The following CYB5RL variants were observed in gnomAD, a reference collection of about 807,000 sequenced individuals.
CYB5RL encodes the protein NADH-cytochrome b5 reductase-like.
In CYB5RL, 38 loss-of-function variants were observed where a neutral mutation model predicts 37.5. That is an observed-to-expected ratio of 1.01 (90% CI 0.78 to 1.33). The LOEUF (loss-of-function observed/expected upper bound fraction) is 1.33, where lower values mean the gene tolerates loss of function less well. Among genes scored for constraint, CYB5RL ranks in the 40% most tolerant of loss-of-function variants. The probability of loss-of-function intolerance (pLI) is 0.00; values close to 1 mark genes in which losing one functional copy is unlikely to be tolerated. For missense variants in CYB5RL, 388 were observed against 394.4 expected, an observed-to-expected ratio of 0.98 and a Z score of 0.14; for synonymous variants, 141 against 151.9, an observed-to-expected ratio of 0.93 and a Z score of 0.53.
rs1659900310 is a variant in CYB5RL, at chr1:54,171,845, CA to C, written c.*2773del. On this transcript the variant is annotated 3_prime_UTR_variant, in exon 8 of 8. Transcript: ENST00000534324. ...CCACACTCTTCTTCTTGGGCTTGCT[CA>C]GCACCTTGTGGGGCACAGCACCCGA... is the stretch of plus-strand genomic sequence containing the variant. The C allele has an allele frequency of 4.4e-6, 1 of 226,854 alleles. No individual in the cohort carries two copies. The highest frequency in any genetic ancestry group is 7.3e-5 in the South Asian group (1 of 13,696). The allele number at this position is 226,854 out of a possible 1,614,324, so 14.1% of individuals were successfully genotyped here.
rs75367148 is a variant in CYB5RL at position 54,179,375 on chromosome 1, A to G, written c.541-23T>C. 0.023 allele frequency: 37,406 copies of G among 1,604,182 alleles called. 2,792 individuals are homozygous for G. In the East Asian group the frequency reaches 0.29, roughly 13 times the overall value. ...ATACTGGGGAACAGAAGGGGTATGT[A>G]TGACAGGTGGGTTGGGAGAGTCTCA... On this transcript the variant is annotated intron_variant, in intron 6 of 7. Coordinates refer to ENST00000534324, the MANE Select transcript of CYB5RL (RefSeq NM_001031672.4).
chr1:54,183,996 T>TAAAG, intron 6 of CYB5RL, 165 bp downstream of exon 6: 1 of 425,652 alleles, frequency 2.3e-6, no homozygotes, highest in Admixed American at 4.2e-5. Context: ...AATAAATAAA[T>TAAAG]AAATAAATAA....
In CYB5RL at chr1:54,174,723, T is replaced by C. The variant is rs762259188; in HGVS notation, c.844A>G (p.Arg282Gly). The change falls in exon 8 of 8, where the codon AGA becomes GGA. Residue 282 changes from arginine (R) to glycine (G), a missense_variant. Arg to Gly is a moderately radical substitution (Grantham distance 125, BLOSUM62 -2). Transcript: ENST00000534324. ...LIKELVSCCR[R>G]KPFALVCGSA... Reference sequence around the variant, plus strand: ...CCACAGACCAGTGCGAATGGCTTTCTCCGACAGCAGCTGACCAGCTCTTTA... The same window carrying C: ...CCACAGACCAGTGCGAATGGCTTTCCCCGACAGCAGCTGACCAGCTCTTTA... 11 of 1,614,018 alleles carry C rather than the reference T, an allele frequency of 6.8e-6. No homozygotes were observed. Among genetic ancestry groups the C allele is most frequent in the South Asian group, 2.2e-5 (2 of 91,070 alleles).
intron 6 of CYB5RL, among the ~76,000 whole-genome samples, chr1:54,181,392 C>A (rs1342105028): frequency 2.0e-5 from 3 of 152,224 alleles, no homozygotes; most frequent in Non-Finnish European, 4.4e-5. Flanking sequence ...TCCCCAGAGT[C>A]CCCTGGCCCT....
At chr1:54,175,846 A>G (rs1660008098) in intron 7 of CYB5RL, among the ~76,000 whole-genome samples, 1 of 152,192 alleles carries the variant, frequency 6.6e-6, no homozygotes, top group Non-Finnish European at 1.5e-5. Flanking sequence ...ACACCATTTT[A>G]TATCAAGGAC....
intron 3 of CYB5RL, 44 bp downstream of exon 3, chr1:54,195,375 A>T: frequency 6.6e-7 from 1 of 1,509,346 alleles, no homozygotes; most frequent in Non-Finnish European, 8.9e-7. Context: ...CAAGGCAAGT[A>T]GATTGTTGCC....
At position 54,170,117 on chromosome 1, in the gene CYB5RL, G is replaced by A. The variant is rs1659856314; in HGVS notation, c.*4502C>T. Reference sequence around the variant, plus strand: ...AATGCAGCAATAAAAATCTTTTTTTGGGGGGCACTGAGTCTCGCTCTGTCA... The same window carrying A: ...AATGCAGCAATAAAAATCTTTTTTTAGGGGGCACTGAGTCTCGCTCTGTCA... On this transcript the variant is annotated 3_prime_UTR_variant, in exon 8 of 8. Coordinates refer to ENST00000534324, the MANE Select transcript of CYB5RL (RefSeq NM_001031672.4). 1 of 151,952 alleles carries A rather than the reference G, an allele frequency of 6.6e-6. No homozygotes were observed. Among genetic ancestry groups the A allele is most frequent in the Admixed American group, 6.5e-5 (1 of 15,272 alleles). The allele number at this position is 151,952 out of a possible 1,614,324, so 9.4% of individuals were successfully genotyped here.
chr1:54,197,798 G>A (rs1031791051), intron 1 of CYB5RL, among the ~76,000 whole-genome samples: 2 of 151,900 alleles, frequency 1.3e-5, no homozygotes, highest in Admixed American at 6.6e-5. Flanking sequence ...AAGGTGGGTG[G>A]ATCACGAGGT....
rs1473185871 is a variant in CYB5RL, at chr1:54,195,279, C to T, written c.198+140G>A. Reference sequence around the variant, plus strand: ...GTTTGCTTCAGGGCTGGGCTTTGAGCCTAGATCTGTTTGCTTCTGTTATGC... The same window carrying T: ...GTTTGCTTCAGGGCTGGGCTTTGAGTCTAGATCTGTTTGCTTCTGTTATGC... On this transcript the variant is annotated intron_variant, in intron 3 of 7. Coordinates refer to ENST00000534324, the MANE Select transcript of CYB5RL (RefSeq NM_001031672.4). 2.9e-6 allele frequency: 3 copies of T among 1,040,974 alleles called. No individual in the cohort carries two copies. In the East Asian group the frequency reaches 8.3e-5, roughly 29 times the overall value. 64.5% of individuals were successfully genotyped at this position (1,040,974 alleles called of 1,614,324 possible). A position where few individuals can be genotyped will look rare whatever the true frequency, so the allele number is the denominator to read the frequency against.
intron 3 of CYB5RL, among the ~76,000 whole-genome samples, chr1:54,191,862 C>G (rs781180664): frequency 6.6e-6 from 1 of 152,204 alleles, no homozygotes; most frequent in African/African-American, 2.4e-5. Flanking sequence ...TTGGAAAGAA[C>G]ACTGGACTGG....
chr1:54,198,335 CTT>C (rs577709879), intron 1 of CYB5RL, among the ~76,000 whole-genome samples: 24 of 143,054 alleles, frequency 1.7e-4, no homozygotes, highest in Non-Finnish European at 1.2e-4. Flanking sequence ...TTCTTTCTTT[CTT>C]TTTTTTTTTT....
rs1310627398 is a variant in CYB5RL at position 54,198,799 on chromosome 1, T to A, written c.-223+1177A>T. Among the ~76,000 whole-genome samples, 5 of 149,402 alleles carry A rather than the reference T, an allele frequency of 3.3e-5. No individual in the cohort carries two copies. The East Asian group carries it at 9.8e-4, about 29-fold the overall frequency. On this transcript the variant is annotated intron_variant, in intron 1 of 7. Coordinates refer to ENST00000534324, the MANE Select transcript of CYB5RL (RefSeq NM_001031672.4). ...GGTGCGTGCCATCACGCCTCGCTAA[T>A]TTTTTTTTTATTATTTTTAGAGAGG...
chr1:54,184,413 G>C, intron 5 of CYB5RL, 148 bp from the exon 6 acceptor site: 1 of 665,696 alleles, frequency 1.5e-6, no homozygotes, highest in Non-Finnish European at 2.5e-6. Flanking sequence ...TACAAAGTTG[G>C]TACAGCCATT....
intron 3 of CYB5RL, among the ~76,000 whole-genome samples, chr1:54,194,857 G>A (rs2100485261): frequency 6.6e-6 from 1 of 152,276 alleles, no homozygotes; most frequent in South Asian, 2.1e-4. Context: ...GTTATACAGG[G>A]GGTGAAGTCC....
At chr1:54,189,522 T>C (rs1265635475) in intron 4 of CYB5RL, among the ~76,000 whole-genome samples, 1 of 152,046 alleles carries the variant, frequency 6.6e-6, no homozygotes, top group African/African-American at 2.4e-5. Flanking sequence ...GGTTAGGACA[T>C]CATTACGGAG....
chr1:54,191,969 T>C (rs190767779), intron 3 of CYB5RL, among the ~76,000 whole-genome samples: 8 of 152,260 alleles, frequency 5.3e-5, no homozygotes, highest in Admixed American at 3.9e-4. Flanking sequence ...TTTCCTAGTC[T>C]ATAAAAAGGG....
At chr1:54,188,056 AAT>A in intron 4 of CYB5RL, among the ~76,000 whole-genome samples, 1 of 152,326 alleles carries the variant, frequency 6.6e-6, no homozygotes, top group South Asian at 2.1e-4. Context: ...AGCCTGGGCA[AAT>A]AGAGCAAGAC....
At chr1:54,193,993 A>G (rs1643980940) in intron 3 of CYB5RL, among the ~76,000 whole-genome samples, 1 of 147,430 alleles carries the variant, frequency 6.8e-6, no homozygotes, top group African/African-American at 2.5e-5. Context: ...ATAATAAGTG[A>G]GACTCTTCCT....
At position 54,171,811 on chromosome 1, in the gene CYB5RL, C is replaced by T. The variant is rs1307763518; in HGVS notation, c.*2808G>A. The T allele has an allele frequency of 7.3e-6, 2 of 272,522 alleles. No homozygotes were observed. Among genetic ancestry groups the T allele is most frequent in the Non-Finnish European group, 1.5e-5 (2 of 137,614 alleles). 16.9% of individuals were successfully genotyped at this position (272,522 alleles called of 1,614,324 possible). ...CAGCTCCAAGAGGTCTGAACTCACACACCACACCCCACACTCTTCTTCTTG... is the reference window on the plus strand; with the variant it reads ...CAGCTCCAAGAGGTCTGAACTCACATACCACACCCCACACTCTTCTTCTTG... On this transcript the variant is annotated 3_prime_UTR_variant, in exon 8 of 8. Transcript: ENST00000534324.
Sources: gnomAD v4.1 joint callset for allele counts (sites outside exome capture counted in the v4.1 genomes callset) on GRCh38, gnomAD v4.1.1 for gene constraint, MANE v1.5 for transcripts, NCBI Gene and HGNC (gene_info 2026-07-23, HGNC 2026-07-21) for gene names.